The following NETO1 variants were observed in gnomAD, a reference collection of about 807,000 sequenced individuals.
The protein encoded by NETO1 is neuropilin and tolloid-like protein 1.
Under a neutral mutation model 61.3 loss-of-function variants are expected in NETO1, and 26 were observed. The observed-to-expected ratio is 0.42, with a 90% CI of 0.31 to 0.59. The LOEUF (loss-of-function observed/expected upper bound fraction) is 0.59. Ranked by LOEUF, NETO1 falls within the 20% of genes least tolerant of loss-of-function variation. The pLI, the probability that NETO1 is intolerant of heterozygous loss-of-function variation, is 0.12. For synonymous variants in NETO1, 225 were observed against 225.8 expected (o/e 1.00, Z 0.03); for missense variants, 531 against 662.8 (o/e 0.80, Z 2.18).
intron 7 of NETO1, among the ~76,000 whole-genome samples, chr18:72,772,823 C>CTATATA (rs2071414773): frequency 7.7e-5 from 3 of 38,862 alleles, no homozygotes; most frequent in Non-Finnish European, 1.3e-4. Flanking sequence ...CTCTCTCTCT[C>CTATATA]TCTATATATA....
intron 3 of NETO1, among the ~76,000 whole-genome samples, 200 bp downstream of exon 3, chr18:72,864,608 T>G (rs1220539321): frequency 1.3e-5 from 2 of 152,248 alleles, no homozygotes; most frequent in Non-Finnish European, 2.9e-5. Context: ...AGAATTTGCT[T>G]GTTCATAACC....
At chr18:72,799,617 A>G (rs1454718310) in intron 4 of NETO1, among the ~76,000 whole-genome samples, 1 of 152,234 alleles carries the variant, frequency 6.6e-6, no homozygotes, top group African/African-American at 2.4e-5. Context: ...AAAAAATGTC[A>G]TGTGTACTTA....
chr18:72,820,999 G>T (rs1361380988), intron 4 of NETO1, among the ~76,000 whole-genome samples: 1 of 151,950 alleles, frequency 6.6e-6, no homozygotes, highest in African/African-American at 2.4e-5. Context: ...AGACAAATAG[G>T]CAGACAGAAA....
At chr18:72,777,746 T>G (rs927377089) in intron 7 of NETO1, among the ~76,000 whole-genome samples, 6 of 152,124 alleles carry the variant, frequency 3.9e-5, no homozygotes, top group African/African-American at 1.4e-4. Context: ...CCATCTCAAA[T>G]AAACAAACAA....
intron 7 of NETO1, among the ~76,000 whole-genome samples, chr18:72,761,647 C>A (rs958682491): frequency 2.0e-5 from 3 of 152,098 alleles, no homozygotes; most frequent in African/African-American, 7.2e-5. Flanking sequence ...TGTAAATGAT[C>A]CGATAGAATT....
intron 9 of NETO1, among the ~76,000 whole-genome samples, chr18:72,749,391 T>A (rs2070516275): frequency 6.6e-6 from 1 of 152,136 alleles, no homozygotes. Context: ...TTCTCAAAAC[T>A]TTTACTCATT....
rs1200326599 is a variant in NETO1 at position 72,794,159 on chromosome 18, A to T, written c.597T>A (p.Ala199=). 6.2e-7 allele frequency: 1 copy of T among 1,614,072 alleles called. No individual in the cohort carries two copies. Among genetic ancestry groups the T allele is most frequent in the Non-Finnish European group, 8.5e-7 (1 of 1,180,048 alleles). Residue 199 remains alanine (A), a synonymous_variant, in exon 6 of 11, where the codon GCT becomes GCA. Transcript: ENST00000327305. ...MKEGKATASE[A]VDCKWYIRAP... is the part of the protein sequence containing the mutation. ...CTCGGATGTACCACTTGCAATCAAC[A>T]GCCTCGCTAGCAGTAGCTTTGCCTT...
intron 4 of NETO1, among the ~76,000 whole-genome samples, chr18:72,828,841 G>A (rs1434379097): frequency 6.6e-6 from 1 of 152,118 alleles, no homozygotes; most frequent in Non-Finnish European, 1.5e-5. Context: ...ACTAAGATCT[G>A]GGAGAAAACA....
intron 4 of NETO1, among the ~76,000 whole-genome samples, chr18:72,823,120 C>G (rs568847775): frequency 6.6e-6 from 1 of 152,276 alleles, no homozygotes; most frequent in South Asian, 2.1e-4. Flanking sequence ...TCTTTCATGT[C>G]CTTCCCATTT....
chr18:72,838,597 A>G (rs540456396), intron 4 of NETO1, among the ~76,000 whole-genome samples: 2 of 152,294 alleles, frequency 1.3e-5, no homozygotes, highest in South Asian at 4.1e-4. Context: ...TTTTTCTAGT[A>G]AGAAGTGGGC....
At chr18:72,776,658 T>TA (rs1410609858) in intron 7 of NETO1, among the ~76,000 whole-genome samples, 1 of 152,092 alleles carries the variant, frequency 6.6e-6, no homozygotes, top group Non-Finnish European at 1.5e-5. Context: ...GCCTCTTTCA[T>TA]AAGGGCACTC....
intron 4 of NETO1, among the ~76,000 whole-genome samples, chr18:72,799,639 G>T (rs941955204): frequency 6.6e-6 from 1 of 152,208 alleles, no homozygotes; most frequent in Non-Finnish European, 1.5e-5. Context: ...CATTTTTCAG[G>T]ATGTGATTAA....
At chr18:72,772,717 C>CGT (rs2071390266) in intron 7 of NETO1, among the ~76,000 whole-genome samples, 1 of 141,926 alleles carries the variant, frequency 7.0e-6, no homozygotes, top group Non-Finnish European at 1.5e-5. Context: ...ATGATATACA[C>CGT]GTGTGTGTAT....
intron 4 of NETO1, among the ~76,000 whole-genome samples, chr18:72,845,391 C>G (rs2074052667): frequency 6.6e-6 from 1 of 152,070 alleles, no homozygotes; most frequent in South Asian, 2.1e-4. Context: ...CCATGTTTAA[C>G]TATGTTTCAT....
intron 7 of NETO1, among the ~76,000 whole-genome samples, chr18:72,763,593 A>ACT (rs1555682606): frequency 2.3e-5 from 3 of 128,588 alleles, no homozygotes; most frequent in East Asian, 2.5e-4. Flanking sequence ...CCACACACAC[A>ACT]CTCACAAACA....
intron 4 of NETO1, among the ~76,000 whole-genome samples, chr18:72,857,625 T>C (rs1047087229): frequency 1.3e-5 from 2 of 152,176 alleles, no homozygotes; most frequent in Non-Finnish European, 2.9e-5. Flanking sequence ...ACCTTCCCAT[T>C]TACAACTCTA....
intron 7 of NETO1, among the ~76,000 whole-genome samples, chr18:72,777,419 GAA>G (rs35895540): frequency 1.4e-4 from 14 of 102,008 alleles, no homozygotes; most frequent in African/African-American, 3.8e-4. Context: ...AACTCCATCT[GAA>G]AAAAAAAAAC....
chr18:72,794,148 T>C lies in NETO1; in HGVS notation c.608A>G (p.Lys203Arg). ...CCGTGGAGGTGCTCGGATGTACCAC[T>C]TGCAATCAACAGCCTCGCTAGCAGT... is the stretch of plus-strand genomic sequence containing the variant. ...KATASEAVDC[K>R]WYIRAPPRSK... Residue 203 changes from lysine to arginine, a missense_variant, in exon 6 of 11, where the codon AAG (lysine) becomes AGG (arginine). Physicochemically the swap from Lys to Arg is conservative, Grantham distance 26 (BLOSUM62 2). Transcript: ENST00000327305. The C allele has an allele frequency of 6.2e-7, 1 of 1,614,200 alleles. No homozygotes were observed. Among genetic ancestry groups the C allele is most frequent in the Middle Eastern group, 1.6e-4 (1 of 6,062 alleles).
intron 4 of NETO1, chr18:72,834,598 G>T (rs2073684140): frequency 2.0e-6 from 2 of 982,996 alleles, no homozygotes; most frequent in South Asian, 9.4e-5. Context: ...TCAGATCAAA[G>T]TCATGTTGGA....
Sources: allele counts gnomAD v4.1 joint callset (sites outside exome capture counted in the v4.1 genomes callset), GRCh38; gene constraint gnomAD v4.1.1; transcripts MANE v1.5; gene names NCBI Gene and HGNC (gene_info 2026-07-23, HGNC 2026-07-21).